The following PCSK2 variants were observed in gnomAD, a reference collection of about 807,000 sequenced individuals.
PCSK2 encodes the protein proprotein convertase subtilisin/kexin type 2.
PCSK2 carries 14 observed loss-of-function variants against 69.7 expected under a neutral mutation model. That is an observed-to-expected ratio of 0.20 (90% CI 0.13 to 0.31). The LOEUF is 0.31. PCSK2 is among the 10% of genes least tolerant of loss of function. The pLI is 1.00. For synonymous variants in PCSK2, 307 were observed against 320.7 expected, an observed-to-expected ratio of 0.96 and a Z score of 0.46; for missense variants, 544 against 842.5, an observed-to-expected ratio of 0.65 and a Z score of 4.39.
intron 6 of PCSK2, among the ~76,000 whole-genome samples, chr20:17,425,499 C>T (rs1047778022): frequency 6.6e-6 from 1 of 152,166 alleles, no homozygotes; most frequent in Non-Finnish European, 1.5e-5. Context: ...GTTTATGTCA[C>T]TTATTATTAG....
intron 5 of PCSK2, among the ~76,000 whole-genome samples, chr20:17,377,829 A>T (rs1033635486): frequency 6.6e-6 from 1 of 152,248 alleles, no homozygotes. Context: ...ACAGAAACAT[A>T]CTTTGCTTTA....
chr20:17,276,824 G>C (rs1477570800), intron 2 of PCSK2, among the ~76,000 whole-genome samples: 1 of 152,056 alleles, frequency 6.6e-6, no homozygotes, highest in Non-Finnish European at 1.5e-5. Flanking sequence ...AAACCCCATC[G>C]TCTCAGCCCA....
At chr20:17,439,657 T>C (rs1568650987) in intron 8 of PCSK2, among the ~76,000 whole-genome samples, 1 of 152,240 alleles carries the variant, frequency 6.6e-6, no homozygotes, top group East Asian at 1.9e-4. Context: ...CACACATTCC[T>C]AGTCTTACCA....
rs80296178 is a variant in PCSK2, at chr20:17,344,653, C to G, written c.283-13674C>G. Among the ~76,000 whole-genome samples, 8 of 134,424 alleles carry G rather than the reference C, an allele frequency of 6.0e-5. No individual in the cohort carries two copies. The Admixed American group carries it at 6.1e-4, about 10-fold the overall frequency. 88.2% of individuals were successfully genotyped at this position (134,424 alleles called of 152,430 possible). A position where few individuals can be genotyped will look rare whatever the true frequency, so the allele number is the denominator to read the frequency against. ...TGTAGCAGACAGCTTGTTTGTTCCCCATTGAAAACCTACAAGAAACAATAC... is the reference window on the plus strand; with the variant it reads ...TGTAGCAGACAGCTTGTTTGTTCCCGATTGAAAACCTACAAGAAACAATAC... On this transcript the variant is annotated intron_variant, in intron 2 of 11. Coordinates refer to ENST00000262545, the MANE Select transcript of PCSK2 (RefSeq NM_002594.5).
intron 2 of PCSK2, among the ~76,000 whole-genome samples, chr20:17,312,442 A>G (rs1989547022): frequency 6.6e-6 from 1 of 152,160 alleles, no homozygotes; most frequent in African/African-American, 2.4e-5. Flanking sequence ...TGATCCATGT[A>G]TCAATTCTAT....
intron 5 of PCSK2, among the ~76,000 whole-genome samples, chr20:17,407,593 T>G (rs112272289): frequency 0.02 from 3,023 of 151,932 alleles, 52 homozygotes; most frequent in African/African-American, 0.041. Flanking sequence ...AAAACAGAAA[T>G]CCAAATATCG....
chr20:17,480,184 C>CTTTTTTTTTTTTTTT lies in PCSK2; in HGVS notation c.1431-1391_1431-1377dup, dbSNP rs1164266992. 6.3e-3 allele frequency among the ~76,000 whole-genome samples: 484 copies of CTTTTTTTTTTTTTTT among 76,958 alleles called. 44 individuals are homozygous for CTTTTTTTTTTTTTTT. The highest frequency in any genetic ancestry group is 0.013 in the East Asian group (37 of 2,902). The allele number at this position is 76,958 out of a possible 152,430, so 50.5% of individuals were successfully genotyped here. A position where few individuals can be genotyped will look rare whatever the true frequency, so the allele number is the denominator to read the frequency against. On this transcript the variant is annotated intron_variant, in intron 11 of 11. Coordinates refer to ENST00000262545, the MANE Select transcript of PCSK2 (RefSeq NM_002594.5). Reference sequence around the variant, plus strand: ...ATTAATTTACCCATTTTCAGCTTTTCTTTTTTTTTTTTTTTTTTTTTTTGA... The same window carrying CTTTTTTTTTTTTTTT: ...ATTAATTTACCCATTTTCAGCTTTTCTTTTTTTTTTTTTTTTTTTTTTTTTTTTTTTTTTTTTTGA...
chr20:17,319,277 T>C (rs1989790945), intron 2 of PCSK2, among the ~76,000 whole-genome samples: 1 of 152,230 alleles, frequency 6.6e-6, no homozygotes, highest in African/African-American at 2.4e-5. Context: ...AAAGTATTTA[T>C]TAGTTCACTA....
At chr20:17,462,147 C>T (rs957344067) in intron 10 of PCSK2, among the ~76,000 whole-genome samples, 41 of 152,022 alleles carry the variant, frequency 2.7e-4, no homozygotes, top group Admixed American at 4.6e-4. Flanking sequence ...TTTTCACCAG[C>T]GCCCCCACCC....
At chr20:17,269,120 G>A (rs1987757183) in intron 2 of PCSK2, among the ~76,000 whole-genome samples, 1 of 152,192 alleles carries the variant, frequency 6.6e-6, no homozygotes, top group South Asian at 2.1e-4. Context: ...TTTGAGATTT[G>A]TATTAAGTAA....
At chr20:17,324,874 A>G (rs1387564859) in intron 2 of PCSK2, among the ~76,000 whole-genome samples, 1 of 152,182 alleles carries the variant, frequency 6.6e-6, no homozygotes, top group Non-Finnish European at 1.5e-5. Context: ...GGTTGCCAGA[A>G]GACAGACCCC....
At chr20:17,448,781 T>C (rs1368793568) in intron 8 of PCSK2, among the ~76,000 whole-genome samples, 1 of 152,184 alleles carries the variant, frequency 6.6e-6, no homozygotes, top group Non-Finnish European at 1.5e-5. Context: ...GTTAAAAGTT[T>C]CCATTTGGTA....
chr20:17,304,245 G>A (rs1002797155), intron 2 of PCSK2, among the ~76,000 whole-genome samples: 1 of 152,044 alleles, frequency 6.6e-6, no homozygotes, highest in African/African-American at 2.4e-5. Flanking sequence ...GTAAGTTTTT[G>A]TGTTTTTATT....
At chr20:17,287,426 C>CGTATCT (rs1555785111) in intron 2 of PCSK2, among the ~76,000 whole-genome samples, 1 of 102,188 alleles carries the variant, frequency 9.8e-6, no homozygotes, top group African/African-American at 3.8e-5. Flanking sequence ...CCAGCATGTG[C>CGTATCT]GTGTCTGTGT....
intron 1 of PCSK2, among the ~76,000 whole-genome samples, chr20:17,231,652 G>A (rs192877072): frequency 3.3e-5 from 5 of 152,230 alleles, no homozygotes; most frequent in Non-Finnish European, 7.4e-5. Context: ...AAAACTTAGT[G>A]GCCTAAAACC....
intron 2 of PCSK2, among the ~76,000 whole-genome samples, chr20:17,344,715 T>C (rs981231581): frequency 1.3e-5 from 2 of 151,986 alleles, no homozygotes; most frequent in Non-Finnish European, 2.9e-5. Context: ...GGTGGGTGTA[T>C]CCCTCCATGC....
intron 1 of PCSK2, among the ~76,000 whole-genome samples, chr20:17,251,357 T>C (rs1986971319): frequency 6.6e-6 from 1 of 152,212 alleles, no homozygotes; most frequent in Non-Finnish European, 1.5e-5. Flanking sequence ...GAAATATTTA[T>C]GTTAAATTTG....
At chr20:17,248,175 GGTGTGTGT>G (rs10640964) in intron 1 of PCSK2, among the ~76,000 whole-genome samples, 15,546 of 144,418 alleles carry the variant, frequency 0.11, 889 homozygotes, top group African/African-American at 0.14. Flanking sequence ...TATAAAAAAG[GGTGTGTGT>G]GTGTGTGTGT....
At chr20:17,375,255 T>G (rs2123241480) in intron 5 of PCSK2, among the ~76,000 whole-genome samples, 1 of 152,170 alleles carries the variant, frequency 6.6e-6, no homozygotes, top group East Asian at 1.9e-4. Context: ...TCATTGGACC[T>G]CCCAGTGAGC....
Sources: allele counts gnomAD v4.1 joint callset (sites outside exome capture counted in the v4.1 genomes callset), GRCh38; gene constraint gnomAD v4.1.1; transcripts MANE v1.5; gene names NCBI Gene and HGNC (gene_info 2026-07-23, HGNC 2026-07-21).